The following TENM4 variants were observed in gnomAD, a reference collection of about 807,000 sequenced individuals.
TENM4 encodes teneurin-4.
TENM4 carries 82 observed loss-of-function variants against 243.3 expected under a neutral mutation model. The observed-to-expected ratio is 0.34, with a 90% CI of 0.28 to 0.40. The LOEUF is 0.40. Ranked by LOEUF, TENM4 falls within the 10% of genes least tolerant of loss-of-function variation. TENM4 has a pLI of 1.00. For missense variants in TENM4, 3,138 were observed against 3,673.3 expected (o/e 0.85, Z 3.77); for synonymous variants, 1,412 against 1,456.3 (o/e 0.97, Z 0.69).
intron 1 of TENM4, among the ~76,000 whole-genome samples, chr11:79,327,241 A>G (rs1856989239): frequency 6.6e-6 from 1 of 152,246 alleles, no homozygotes; most frequent in South Asian, 2.1e-4. Flanking sequence ...ATTTCTACAA[A>G]AATAAAACAC....
intron 15 of TENM4, 55 bp downstream of exon 15, chr11:78,805,237 T>G: frequency 4.5e-6 from 1 of 221,120 alleles, no homozygotes; most frequent in East Asian, 1.1e-4. Context: ...TTGGTGACCA[T>G]GTCACAGTGG....
chr11:79,245,999 C>T (rs2135292625), intron 2 of TENM4, among the ~76,000 whole-genome samples: 1 of 135,852 alleles, frequency 7.4e-6, no homozygotes, highest in South Asian at 2.5e-4. Flanking sequence ...GATCCTAAAT[C>T]TAAAAGAGAG....
Position 78,756,905 on chromosome 11 carries a change from C to T in TENM4, c.2656G>A (p.Val886Met). ...AAGGAGTGTAGGTTCTGCTGTGACA[C>T]AGGGACCTGTGTCTCCTGGATGATG... is the stretch of plus-strand genomic sequence containing the variant. ...LDIIQETQVP[V>M]SQQNLHSFYD... The change falls in exon 19 of 34, where the codon GTG becomes ATG. Residue 886 changes from valine to methionine, a missense_variant. This residue lies in a region of TENM4 where 2,467 missense variants were observed against 3,059.1 expected (regional missense o/e 0.81). Coordinates refer to ENST00000278550, the MANE Select transcript of TENM4 (RefSeq NM_001098816.3). The T allele has an allele frequency of 6.2e-7, 1 of 1,613,942 alleles. No homozygotes were observed. Among genetic ancestry groups the T allele is most frequent in the Non-Finnish European group, 8.5e-7 (1 of 1,179,886 alleles).
chr11:79,413,405 C>T (rs1045497929), intron 1 of TENM4, among the ~76,000 whole-genome samples: 1 of 152,200 alleles, frequency 6.6e-6, no homozygotes, highest in Admixed American at 6.5e-5. Context: ...AGCTAGGCAG[C>T]TCTGCCTTTC....
intron 2 of TENM4, among the ~76,000 whole-genome samples, chr11:79,222,460 T>C (rs1298075298): frequency 6.6e-6 from 1 of 152,250 alleles, no homozygotes; most frequent in Non-Finnish European, 1.5e-5. Flanking sequence ...AGTGCTGCAA[T>C]AAACATATGT....
chr11:79,277,212 A>C (rs1164354921), intron 2 of TENM4, among the ~76,000 whole-genome samples: 1 of 152,196 alleles, frequency 6.6e-6, no homozygotes, highest in Non-Finnish European at 1.5e-5. Context: ...ATGATTCTGC[A>C]AACAGGGAGT....
intron 4 of TENM4, among the ~76,000 whole-genome samples, chr11:79,080,065 C>A (rs116127615): frequency 6.6e-6 from 1 of 152,192 alleles, no homozygotes; most frequent in Admixed American, 6.5e-5. Flanking sequence ...GGAAATAAGC[C>A]TAATGCCTTT....
At chr11:79,075,253 A>G (rs1395012497) in intron 4 of TENM4, among the ~76,000 whole-genome samples, 2 of 152,224 alleles carry the variant, frequency 1.3e-5, no homozygotes, top group East Asian at 3.9e-4. Flanking sequence ...AAGTAAAATA[A>G]CTGGCTTGCA....
chr11:78,770,983 G>A lies in TENM4; in HGVS notation c.2539+9C>T. ...AGCCGCCTGGAGCCCATGGGTGCCA[G>A]AGCCCTACCTCCATCATTGTCTTTG... On this transcript the variant is annotated intron_variant, in intron 18 of 33. Coordinates refer to ENST00000278550, the MANE Select transcript of TENM4 (RefSeq NM_001098816.3). 1 of 1,578,184 alleles carries A rather than the reference G, an allele frequency of 6.3e-7. No individual in the cohort carries two copies. Among genetic ancestry groups the A allele is most frequent in the Non-Finnish European group, 8.6e-7 (1 of 1,161,872 alleles).
chr11:79,386,779 T>A (rs968197144), intron 1 of TENM4, among the ~76,000 whole-genome samples: 1 of 151,982 alleles, frequency 6.6e-6, no homozygotes, highest in Non-Finnish European at 1.5e-5. Flanking sequence ...GCAAAAAAAT[T>A]TTTTTTTATT....
intron 2 of TENM4, among the ~76,000 whole-genome samples, chr11:79,292,596 G>A (rs1162618079): frequency 6.6e-6 from 1 of 152,216 alleles, no homozygotes; most frequent in Non-Finnish European, 1.5e-5. Flanking sequence ...TAGCTTCCCA[G>A]TAATTCTCTG....
intron 3 of TENM4, among the ~76,000 whole-genome samples, chr11:79,209,717 A>C (rs1363265625): frequency 6.6e-6 from 1 of 152,322 alleles, no homozygotes; most frequent in East Asian, 1.9e-4. Flanking sequence ...TGGCCACTGC[A>C]GCACTGCTAA....
rs559481782 is a variant in TENM4 at position 79,240,755 on chromosome 11, T to C, written c.-264-24846A>G. Among the ~76,000 whole-genome samples the C allele has an allele frequency of 5.3e-5, 8 of 152,306 alleles. 1 individual carries two copies. The South Asian group carries it at 1.7e-3, about 32-fold the overall frequency. ...TAGCCTGGGGTCTTTTAAAAATAAA[T>C]GATTCCATTAAAACCTTTCTCAACG... On this transcript the variant is annotated intron_variant, in intron 2 of 33. Coordinates refer to ENST00000278550, the MANE Select transcript of TENM4 (RefSeq NM_001098816.3).
intron 3 of TENM4, among the ~76,000 whole-genome samples, chr11:79,149,870 G>A (rs1303474206): frequency 6.6e-6 from 1 of 152,118 alleles, no homozygotes; most frequent in Non-Finnish European, 1.5e-5. Flanking sequence ...CAGTGCACAA[G>A]GAAAGATCAA....
rs577899870 is a variant in TENM4 at position 78,935,052 on chromosome 11, C to G, written c.494-31529G>C. 4.9e-5 allele frequency among the ~76,000 whole-genome samples: 6 copies of G among 123,290 alleles called. No individual in the cohort carries two copies. The South Asian group carries it at 1.6e-3, about 34-fold the overall frequency. 80.9% of individuals were successfully genotyped at this position (123,290 alleles called of 152,430 possible). ...CGGAGTCTCGCTCTGTCGCCCAGGC[C>G]GGACTGCGGACTGCAGTGGCGCAAT... On this transcript the variant is annotated intron_variant, in intron 6 of 33. Coordinates refer to ENST00000278550, the MANE Select transcript of TENM4 (RefSeq NM_001098816.3).
intron 1 of TENM4, among the ~76,000 whole-genome samples, chr11:79,392,325 G>A (rs772831090): frequency 3.3e-5 from 5 of 152,226 alleles, no homozygotes; most frequent in African/African-American, 4.8e-5. Context: ...GGAGGCAGAG[G>A]GAGCAAGGGA....
intron 19 of TENM4, among the ~76,000 whole-genome samples, chr11:78,742,304 C>T (rs1210657231): frequency 6.6e-6 from 1 of 152,182 alleles, no homozygotes; most frequent in Non-Finnish European, 1.5e-5. Context: ...AATGAATTCA[C>T]TTGGCTGAGC....
intron 1 of TENM4, among the ~76,000 whole-genome samples, chr11:79,349,639 C>A (rs767303297): frequency 1.1e-4 from 16 of 152,124 alleles, no homozygotes; most frequent in Non-Finnish European, 1.9e-4. Context: ...ATGCAACACA[C>A]ACATGTACAC....
chr11:79,025,410 C>T (rs191345336), intron 6 of TENM4, among the ~76,000 whole-genome samples: 73 of 152,228 alleles, frequency 4.8e-4, no homozygotes, highest in Admixed American at 4.8e-3. Flanking sequence ...AATAGACATC[C>T]CCCTAGCTCC....
Sources: gnomAD v4.1 joint callset for allele counts (sites outside exome capture counted in the v4.1 genomes callset) on GRCh38, gnomAD v4.1.1 for gene constraint, gnomAD v4.1.1 regional missense constraint, MANE v1.5 for transcripts, NCBI Gene and HGNC (gene_info 2026-07-23, HGNC 2026-07-21) for gene names.